Variants in DMGDH observed in about 807,000 individuals in gnomAD.
DMGDH encodes the protein dimethylglycine dehydrogenase, mitochondrial.
In DMGDH, 76 loss-of-function variants were observed where a neutral mutation model predicts 95.2. The ratio of observed to expected loss-of-function variants is 0.80; its 90% CI spans 0.66 to 0.97. DMGDH has a LOEUF of 0.97. DMGDH is among the 50% of genes least tolerant of loss of function. The pLI, the probability that DMGDH is intolerant of heterozygous loss-of-function variation, is 0.00. For synonymous variants in DMGDH, 345 were observed against 377.6 expected (o/e 0.91, Z 1.00); for missense variants, 987 against 1,055.0 (o/e 0.94, Z 0.89).
In DMGDH at chr5:79,065,895, T is replaced by C. The variant is rs76660417; in HGVS notation, c.102-2108A>G. Among the ~76,000 whole-genome samples the C allele has an allele frequency of 7.9e-3, 1,199 of 152,324 alleles. 10 individuals carry two copies. The highest frequency in any genetic ancestry group is 0.026 in the African/African-American group (1,074 of 41,580). ...CCACCATTGTATATGTGGTCCATCA[T>C]TGACCGAAACATCATTATAAGGCAC... On this transcript the variant is annotated intron_variant, in intron 1 of 15. Transcript: ENST00000255189.
chr5:79,059,072 A>G (rs73132148), intron 2 of DMGDH, among the ~76,000 whole-genome samples: 1 of 152,208 alleles, frequency 6.6e-6, no homozygotes, highest in African/African-American at 2.4e-5. Flanking sequence ...TGATATGTAA[A>G]TATTAATAGA....
rs1331740970 is a variant in DMGDH at position 79,032,843 on chromosome 5, GA to G, written c.1364-4del. On this transcript the variant is annotated splice_region_variant and splice_polypyrimidine_tract_variant and intron_variant, in intron 8 of 15. Coordinates refer to ENST00000255189, the MANE Select transcript of DMGDH (RefSeq NM_013391.3). ...CCGTTCTTCTTTAGGATAACCAACTGAAAAGGAAAAATTGGTACTTTAAATC... is the reference window on the plus strand; with the variant it reads ...CCGTTCTTCTTTAGGATAACCAACTGAAAGGAAAAATTGGTACTTTAAATC... 6.2e-7 allele frequency: 1 copy of G among 1,613,974 alleles called. No individual in the cohort carries two copies. The highest frequency in any genetic ancestry group is 1.3e-5 in the African/African-American group (1 of 75,010).
chr5:79,004,968 G>A (rs1753519430), intron 15 of DMGDH, among the ~76,000 whole-genome samples: 1 of 152,160 alleles, frequency 6.6e-6, no homozygotes, highest in Non-Finnish European at 1.5e-5. Context: ...ACATGGATGT[G>A]GTGAGCAAAT....
chr5:79,041,518 T>C (rs1287256454), intron 7 of DMGDH, among the ~76,000 whole-genome samples: 1 of 152,192 alleles, frequency 6.6e-6, no homozygotes, highest in Non-Finnish European at 1.5e-5. Flanking sequence ...ACAAATCATG[T>C]TGGACAAACA....
At chr5:79,033,656 T>C (rs1417199425) in intron 7 of DMGDH, among the ~76,000 whole-genome samples, 2 of 152,210 alleles carry the variant, frequency 1.3e-5, no homozygotes, top group African/African-American at 4.8e-5. Flanking sequence ...AAATAGCTCC[T>C]TATTGGGCAG....
intron 2 of DMGDH, among the ~76,000 whole-genome samples, chr5:79,060,161 T>C (rs2112671700): frequency 1.3e-5 from 2 of 152,326 alleles, no homozygotes; most frequent in South Asian, 4.1e-4. Context: ...CTTTCTTACA[T>C]TTGCAGACAA....
At chr5:79,024,038 C>G (rs1206865207) in intron 14 of DMGDH, among the ~76,000 whole-genome samples, 2 of 152,192 alleles carry the variant, frequency 1.3e-5, no homozygotes, top group African/African-American at 4.8e-5. Flanking sequence ...TTAGATTTAG[C>G]CCTTAAAGAT....
At chr5:79,042,253 A>G in intron 7 of DMGDH, 30 bp downstream of exon 7, 1 of 1,583,454 alleles carries the variant, frequency 6.3e-7, no homozygotes. Flanking sequence ...TGATTCTACA[A>G]TAAATGTTGA....
chr5:79,012,435 G>T (rs528907368), intron 14 of DMGDH, among the ~76,000 whole-genome samples: 1 of 152,328 alleles, frequency 6.6e-6, no homozygotes, highest in Non-Finnish European at 1.5e-5. Flanking sequence ...GAGGGTGCAA[G>T]CTGCTGGTGG....
chr5:79,007,481 A>G (rs1419843846), intron 14 of DMGDH, among the ~76,000 whole-genome samples: 2 of 145,606 alleles, frequency 1.4e-5, no homozygotes, highest in Non-Finnish European at 2.9e-5. Flanking sequence ...AAAGAATTCT[A>G]TAACAGCAAC....
chr5:79,059,120 T>C (rs1291890364), intron 2 of DMGDH, among the ~76,000 whole-genome samples: 2 of 152,254 alleles, frequency 1.3e-5, no homozygotes, highest in Non-Finnish European at 2.9e-5. Flanking sequence ...ATAAGTGAAG[T>C]ACTCAAAAAC....
rs1452255986 is a variant in DMGDH at position 79,054,168 on chromosome 5, C to T, written c.540+16G>A. On this transcript the variant is annotated intron_variant, in intron 4 of 15. Coordinates refer to ENST00000255189, the MANE Select transcript of DMGDH (RefSeq NM_013391.3). The stretch of plus-strand genomic sequence containing the variant: ...CTTAAGTCAACAAATGGTAAAAATG[C>T]CCTTAAGATAAATACCTTATTCATG... 2.5e-6 allele frequency: 4 copies of T among 1,612,416 alleles called. No individual in the cohort carries two copies. The highest frequency in any genetic ancestry group is 3.4e-6 in the Non-Finnish European group (4 of 1,179,558).
chr5:79,068,376 C>T (rs1219889047), intron 1 of DMGDH, among the ~76,000 whole-genome samples: 3 of 152,150 alleles, frequency 2.0e-5, no homozygotes, highest in Non-Finnish European at 4.4e-5. Flanking sequence ...CACATGCATT[C>T]TCTTATTTAA....
chr5:79,025,136 G>A (rs1753963829), intron 13 of DMGDH, among the ~76,000 whole-genome samples: 1 of 152,208 alleles, frequency 6.6e-6, no homozygotes, highest in Non-Finnish European at 1.5e-5. Context: ...ATGAAGCACA[G>A]AGGATTGCAG....
rs528003096 is a variant in DMGDH at position 79,003,676 on chromosome 5, G to T, written c.2385+1597C>A. On this transcript the variant is annotated intron_variant, in intron 15 of 15. Coordinates refer to ENST00000255189, the MANE Select transcript of DMGDH (RefSeq NM_013391.3). ...TAGAATTAAATTCTTAAGGCCAGGG[G>T]CAGTGGCTTATTCCTGTAATCCCAG... is the stretch of plus-strand genomic sequence containing the variant. Among the ~76,000 whole-genome samples, 155 of 152,282 alleles carry T rather than the reference G, an allele frequency of 1.0e-3. 1 individual carries two copies. The highest frequency in any genetic ancestry group is 3.5e-3 in the African/African-American group (147 of 41,566).
At chr5:79,028,857 A>G (rs1330758664) in intron 11 of DMGDH, among the ~76,000 whole-genome samples, 1 of 152,180 alleles carries the variant, frequency 6.6e-6, no homozygotes, top group Non-Finnish European at 1.5e-5. Flanking sequence ...ACCCACTTAT[A>G]AATTTGGGGG....
At chr5:79,012,334 T>C (rs1259264088) in intron 14 of DMGDH, among the ~76,000 whole-genome samples, 1 of 152,206 alleles carries the variant, frequency 6.6e-6, no homozygotes, top group Non-Finnish European at 1.5e-5. Flanking sequence ...CCCAAAAGCT[T>C]TGGGCAATTA....
At chr5:79,039,236 C>T (rs1012950902) in intron 7 of DMGDH, among the ~76,000 whole-genome samples, 275 of 152,150 alleles carry the variant, frequency 1.8e-3, no homozygotes, top group African/African-American at 6.2e-3. Context: ...ATAAATCATG[C>T]TGCTATAAAG....
At chr5:79,034,266 C>A (rs1397299537) in intron 7 of DMGDH, among the ~76,000 whole-genome samples, 1 of 152,154 alleles carries the variant, frequency 6.6e-6, no homozygotes, top group Non-Finnish European at 1.5e-5. Context: ...GGCAAAGAGG[C>A]CCTCACCTGA....
Sources: gnomAD v4.1 joint callset for allele counts (sites outside exome capture counted in the v4.1 genomes callset) on GRCh38, gnomAD v4.1.1 for gene constraint, MANE v1.5 for transcripts, NCBI Gene and HGNC (gene_info 2026-07-23, HGNC 2026-07-21) for gene names.